Variants in SNX3 observed in about 807,000 individuals in gnomAD.
SNX3 encodes the protein sorting nexin-3.
Under a neutral mutation model 17.7 loss-of-function variants are expected in SNX3, and 5 were observed. The ratio of observed to expected loss-of-function variants is 0.28; its 90% confidence interval spans 0.15 to 0.59. The LOEUF (loss-of-function observed/expected upper bound fraction) is 0.59. Among genes scored for constraint, SNX3 ranks in the 20% least tolerant of loss-of-function variants. The pLI is 0.88. For missense variants in SNX3, 132 were observed against 206.8 expected (o/e 0.64, Z 2.22); for synonymous variants, 91 against 76.5 (o/e 1.19, Z -0.99).
Position 108,222,856 on chromosome 6 carries a change from T to C in SNX3, c.258+94A>G, listed in dbSNP as rs1470043838. The C allele has an allele frequency of 8.0e-6, 6 of 753,354 alleles. No individual in the cohort carries two copies. The African/African-American group carries it at 1.1e-4, about 13-fold the overall frequency. 46.7% of individuals were successfully genotyped at this position (753,354 alleles called of 1,614,324 possible). A position where few individuals can be genotyped will look rare whatever the true frequency, so the allele number is the denominator to read the frequency against. ...TGAAAAAAAGAAATCATATTTGCTT[T>C]TACCCATTTTATTCAATATCATTTT... is the stretch of plus-strand genomic sequence containing the variant. On this transcript the variant is annotated intron_variant, in intron 2 of 3. Transcript: ENST00000230085.
chr6:108,242,390 A>G (rs1198915094), intron 1 of SNX3, among the ~76,000 whole-genome samples: 1 of 152,252 alleles, frequency 6.6e-6, no homozygotes, highest in East Asian at 1.9e-4. Context: ...AAAAAGCCAA[A>G]GAAAAGCAAA....
intron 1 of SNX3, 128 bp downstream of exon 1, chr6:108,260,632 C>T: frequency 1.9e-6 from 2 of 1,058,186 alleles, no homozygotes; most frequent in South Asian, 1.4e-5. Flanking sequence ...ACGACCCCGG[C>T]CCGCCTCTGC....
At chr6:108,242,430 C>T (rs1234044719) in intron 1 of SNX3, among the ~76,000 whole-genome samples, 1 of 152,142 alleles carries the variant, frequency 6.6e-6, no homozygotes, top group Non-Finnish European at 1.5e-5. Context: ...GAGAAATCTA[C>T]TCATCACTAC....
intron 2 of SNX3, among the ~76,000 whole-genome samples, chr6:108,221,532 C>CTTTTT (rs554429322): frequency 0.013 from 778 of 57,776 alleles, 249 homozygotes; most frequent in Middle Eastern, 0.045. Context: ...CAGTATTACA[C>CTTTTT]TTTTTTTTTT....
intron 1 of SNX3, among the ~76,000 whole-genome samples, chr6:108,241,059 T>C (rs1163351512): frequency 6.9e-6 from 1 of 145,908 alleles, no homozygotes; most frequent in Non-Finnish European, 1.5e-5. Context: ...AGAGAATCAC[T>C]TGAACCTGGG....
intron 1 of SNX3, among the ~76,000 whole-genome samples, chr6:108,236,950 T>C (rs1431888780): frequency 1.3e-5 from 2 of 152,180 alleles, no homozygotes; most frequent in Admixed American, 6.5e-5. Flanking sequence ...TTTACTCCTT[T>C]CATAAAGCTC....
chr6:108,228,584 T>C (rs1169206891), intron 1 of SNX3, among the ~76,000 whole-genome samples: 2 of 151,704 alleles, frequency 1.3e-5, no homozygotes, highest in Non-Finnish European at 2.9e-5. Flanking sequence ...GGCACATGCC[T>C]GTAGTGGGAA....
rs59619420 is a variant in SNX3, at chr6:108,216,991, G to A, written c.259-2369C>T. Among the ~76,000 whole-genome samples the A allele has an allele frequency of 2.6e-5, 4 of 152,008 alleles. No homozygotes were observed. In the South Asian group the frequency reaches 8.3e-4, roughly 31 times the overall value. ...ATCTGCAGGGACCTTCTATAACTGA[G>A]AAACAAAGGAATGCTAACCATTACG... On this transcript the variant is annotated intron_variant, in intron 2 of 3. Coordinates refer to ENST00000230085, the MANE Select transcript of SNX3 (RefSeq NM_003795.6).
At chr6:108,225,256 T>C (rs1163845473) in intron 1 of SNX3, among the ~76,000 whole-genome samples, 1 of 151,652 alleles carries the variant, frequency 6.6e-6, no homozygotes, top group Non-Finnish European at 1.5e-5. Flanking sequence ...CACTCCAGCC[T>C]GGGCGACTGA....
intron 1 of SNX3, among the ~76,000 whole-genome samples, chr6:108,230,924 T>A (rs574077958): frequency 6.6e-6 from 1 of 152,202 alleles, no homozygotes; most frequent in Non-Finnish European, 1.5e-5. Context: ...TGCCAAATGC[T>A]AGTTAATTTG....
chr6:108,221,229 G>A (rs1774760127), intron 2 of SNX3, among the ~76,000 whole-genome samples: 1 of 151,812 alleles, frequency 6.6e-6, no homozygotes, highest in Non-Finnish European at 1.5e-5. Context: ...CTATATGAGA[G>A]TGGCTCCCCT....
intron 1 of SNX3, among the ~76,000 whole-genome samples, chr6:108,233,964 T>C (rs923863934): frequency 1.3e-5 from 2 of 152,246 alleles, no homozygotes; most frequent in African/African-American, 2.4e-5. Flanking sequence ...TAAGAAGCTC[T>C]ATTCAGTAAG....
rs370333860 is a variant in SNX3, at chr6:108,254,572, AT to A, written c.162+6187del. 2.0e-5 allele frequency among the ~76,000 whole-genome samples: 3 copies of A among 152,322 alleles called. No homozygotes were observed. The East Asian group carries it at 5.8e-4, about 29-fold the overall frequency. On this transcript the variant is annotated intron_variant, in intron 1 of 3. Coordinates refer to ENST00000230085, the MANE Select transcript of SNX3 (RefSeq NM_003795.6). ...AAGTTAACTTTCTTAAACTTCATTT[AT>A]TTGTAAGTGTCCACTATGTGCCAAG...
At chr6:108,258,670 C>T (rs1041747102) in intron 1 of SNX3, among the ~76,000 whole-genome samples, 11 of 151,794 alleles carry the variant, frequency 7.2e-5, no homozygotes, top group Admixed American at 6.6e-4. Flanking sequence ...CGCCACCACG[C>T]CCAACTAATT....
intron 1 of SNX3, among the ~76,000 whole-genome samples, chr6:108,254,234 C>A: frequency 6.6e-6 from 1 of 151,846 alleles, no homozygotes; most frequent in East Asian, 1.9e-4. Flanking sequence ...TCTGTGAGGG[C>A]TCTGGGCAAC....
chr6:108,222,187 C>T, intron 2 of SNX3: 1 of 1,298,056 alleles, frequency 7.7e-7, no homozygotes, highest in South Asian at 1.2e-5. Flanking sequence ...ACAGACTAGC[C>T]TTCATCTAGT....
intron 1 of SNX3, among the ~76,000 whole-genome samples, chr6:108,226,345 A>G (rs908318706): frequency 6.6e-6 from 1 of 152,184 alleles, no homozygotes; most frequent in Admixed American, 6.5e-5. Flanking sequence ...AAGTGCTGGG[A>G]TTACAGGCAT....
intron 2 of SNX3, among the ~76,000 whole-genome samples, chr6:108,221,975 T>C (rs528746790): frequency 2.6e-5 from 4 of 152,274 alleles, no homozygotes; most frequent in African/African-American, 9.6e-5. Context: ...CAGGCTGGTC[T>C]TGAACTGCTG....
intron 1 of SNX3, among the ~76,000 whole-genome samples, chr6:108,231,086 G>A (rs138497699): frequency 7.2e-4 from 110 of 151,874 alleles, no homozygotes; most frequent in Admixed American, 2.0e-3. Context: ...TTGGGCTGGA[G>A]GGATCCTCCC....
Sources: allele counts gnomAD v4.1 joint callset (sites outside exome capture counted in the v4.1 genomes callset), GRCh38; gene constraint gnomAD v4.1.1; transcripts MANE v1.5; gene names NCBI Gene and HGNC (gene_info 2026-07-23, HGNC 2026-07-21).